The following PDIA5 variants were observed in gnomAD, a reference collection of about 807,000 sequenced individuals.
The protein encoded by PDIA5 is protein disulfide isomerase family A member 5.
Under a neutral mutation model 77.6 loss-of-function variants are expected in PDIA5, and 58 were observed. That is an observed-to-expected ratio of 0.75 (90% CI 0.61 to 0.93). The LOEUF (loss-of-function observed/expected upper bound fraction) is 0.93. Ranked by LOEUF, PDIA5 falls within the 40% of genes least tolerant of loss-of-function variation. The probability of loss-of-function intolerance (pLI) is 0.00; values close to 1 mark genes in which losing one functional copy is unlikely to be tolerated. For missense variants in PDIA5, 630 were observed against 647.7 expected, an observed-to-expected ratio of 0.97 and a Z score of 0.30; for synonymous variants, 250 against 252.1, an observed-to-expected ratio of 0.99 and a Z score of 0.08.
chr3:123,112,767 C>T (rs1374701605), intron 7 of PDIA5, among the ~76,000 whole-genome samples: 1 of 151,994 alleles, frequency 6.6e-6, no homozygotes, highest in Admixed American at 6.6e-5. Context: ...ACCATGTTGC[C>T]CAGGCTGGTC....
chr3:123,142,741 A>C (rs985952890), intron 11 of PDIA5, among the ~76,000 whole-genome samples: 14 of 152,182 alleles, frequency 9.2e-5, no homozygotes, highest in Admixed American at 6.5e-5. Context: ...GCAGTCCCAG[A>C]GGAGCCCTTA....
chr3:123,137,564 G>A (rs1935530992), intron 11 of PDIA5, among the ~76,000 whole-genome samples: 1 of 152,106 alleles, frequency 6.6e-6, no homozygotes, highest in African/African-American at 2.4e-5. Context: ...CACTTACTAT[G>A]GATCAGGCGT....
intron 11 of PDIA5, among the ~76,000 whole-genome samples, chr3:123,138,991 T>C (rs1935562033): frequency 6.6e-6 from 1 of 152,208 alleles, no homozygotes. Flanking sequence ...TTGAATTTAA[T>C]GAAATCCAGA....
intron 11 of PDIA5, among the ~76,000 whole-genome samples, chr3:123,134,000 T>A (rs1247213202): frequency 6.6e-6 from 1 of 151,306 alleles, no homozygotes; most frequent in Non-Finnish European, 1.5e-5. Context: ...TTTCTTTTCT[T>A]TTCCTTTTCT....
intron 7 of PDIA5, among the ~76,000 whole-genome samples, chr3:123,113,112 T>C (rs1453043446): frequency 6.6e-6 from 1 of 152,234 alleles, no homozygotes; most frequent in African/African-American, 2.4e-5. Context: ...TGAATTGCTT[T>C]AGGAATTATT....
intron 11 of PDIA5, among the ~76,000 whole-genome samples, chr3:123,133,949 T>G (rs1935429123): frequency 6.6e-6 from 1 of 152,196 alleles, no homozygotes; most frequent in Admixed American, 6.5e-5. Flanking sequence ...AACCTGGTCT[T>G]TCTTTGCAGT....
intron 11 of PDIA5, among the ~76,000 whole-genome samples, chr3:123,134,266 G>A (rs557886044): frequency 2.0e-5 from 3 of 152,210 alleles, no homozygotes; most frequent in African/African-American, 7.2e-5. Context: ...TATGCCTGTA[G>A]TAAGTACCCA....
chr3:123,124,108 A>C lies in PDIA5; in HGVS notation c.652A>C (p.Ile218Leu). The C allele has an allele frequency of 6.2e-7, 1 of 1,614,140 alleles. No homozygotes were observed. Among genetic ancestry groups the C allele is most frequent in the Non-Finnish European group, 8.5e-7 (1 of 1,180,006 alleles). The change falls in exon 9 of 17, where the codon ATC becomes CTC. Residue 218 changes from isoleucine to leucine, a missense_variant. Coordinates refer to ENST00000316218, the MANE Select transcript of PDIA5 (RefSeq NM_006810.4). Reference protein sequence around the residue: ...MNVYSSEFENIKEEYSVRGFP... With the variant: ...MNVYSSEFENLKEEYSVRGFP... ...TGTCTACTCCTCTGAATTTGAAAAC[A>C]TCAAGGAGGAGTACAGCGTGCGCGG...
chr3:123,082,900 C>T (rs889377267), intron 1 of PDIA5, among the ~76,000 whole-genome samples: 5 of 152,170 alleles, frequency 3.3e-5, no homozygotes, highest in African/African-American at 1.2e-4. Context: ...CTGGATTTCC[C>T]CCAGGTCTGT....
chr3:123,123,759 G>A (rs1935172354), intron 8 of PDIA5, among the ~76,000 whole-genome samples: 1 of 152,260 alleles, frequency 6.6e-6, no homozygotes, highest in African/African-American at 2.4e-5. Flanking sequence ...TTGATGGCAA[G>A]GCCCGGCTTC....
chr3:123,117,374 T>TATATATATA (rs1935019779), intron 8 of PDIA5, among the ~76,000 whole-genome samples: 1 of 79,876 alleles, frequency 1.3e-5, no homozygotes, highest in African/African-American at 4.8e-5. Flanking sequence ...TTCTATGATT[T>TATATATATA]TATATATATA....
Position 123,150,333 on chromosome 3 carries a change from G to A in PDIA5, c.1242G>A (p.Lys414=). ...GDNFRETLKK[K]KHTLVMFYAP... is the part of the protein sequence containing the mutation. The stretch of plus-strand genomic sequence containing the variant: ...ACTTCCGGGAGACCCTGAAGAAGAA[G>A]AAACACACCTTGGTCATGTTCTACG... The change falls in exon 14 of 17, where the codon AAG becomes AAA. Residue 414 remains lysine (K), a synonymous_variant. Coordinates refer to ENST00000316218, the MANE Select transcript of PDIA5 (RefSeq NM_006810.4). 1 of 1,613,996 alleles carries A rather than the reference G, an allele frequency of 6.2e-7. No homozygotes were observed. The highest frequency in any genetic ancestry group is 1.1e-5 in the South Asian group (1 of 91,080).
chr3:123,142,989 A>G (rs568351888), intron 11 of PDIA5, among the ~76,000 whole-genome samples: 95 of 152,144 alleles, frequency 6.2e-4, no homozygotes, highest in African/African-American at 2.2e-3. Context: ...AGGTCTCTTC[A>G]TTGCTGACCA....
intron 11 of PDIA5, among the ~76,000 whole-genome samples, chr3:123,131,987 A>G (rs1226334572): frequency 2.0e-5 from 3 of 152,186 alleles, no homozygotes; most frequent in Non-Finnish European, 4.4e-5. Context: ...GGCATATTCT[A>G]TCAGGAGGAA....
intron 11 of PDIA5, among the ~76,000 whole-genome samples, chr3:123,142,569 C>A (rs1163374006): frequency 6.6e-6 from 1 of 152,182 alleles, no homozygotes; most frequent in African/African-American, 2.4e-5. Context: ...GTCATCTAAC[C>A]CTATGTGCAT....
At chr3:123,083,244 G>C (rs892425186) in intron 1 of PDIA5, among the ~76,000 whole-genome samples, 49 of 152,112 alleles carry the variant, frequency 3.2e-4, no homozygotes, top group African/African-American at 1.1e-3. Flanking sequence ...AGCTCTGTGA[G>C]GGGGTTTGGA....
chr3:123,102,766 T>G lies in PDIA5; in HGVS notation c.357T>G (p.His119Gln), dbSNP rs758679792. The change falls in exon 5 of 17, where the codon CAT becomes CAG. Residue 119 changes from histidine to glutamine, a missense_variant. Coordinates refer to ENST00000316218, the MANE Select transcript of PDIA5 (RefSeq NM_006810.4). ...ELFHYQDGAF[H>Q]TEYNRAVTFK... ...CATTTGACAGGGATGGTGCATTTCA[T>G]ACTGAATATAACCGAGCTGTGACAT... The G allele has an allele frequency of 6.2e-7, 1 of 1,610,380 alleles. No individual in the cohort carries two copies. Among genetic ancestry groups the G allele is most frequent in the Non-Finnish European group, 8.5e-7 (1 of 1,176,478 alleles).
rs114243201 is a variant in PDIA5, at chr3:123,075,436, G to A, written c.42+8230G>A. On this transcript the variant is annotated intron_variant, in intron 1 of 16. Coordinates refer to ENST00000316218, the MANE Select transcript of PDIA5 (RefSeq NM_006810.4). ...GTTTACAAAGAAGAAAGGAATGATT[G>A]CTAGAGAGGTAGGAGGGAAACCAAG... is the stretch of plus-strand genomic sequence containing the variant. Among the ~76,000 whole-genome samples, 334 of 152,282 alleles carry A rather than the reference G, an allele frequency of 2.2e-3. 1 individual carries two copies. The highest frequency in any genetic ancestry group is 3.8e-3 in the Non-Finnish European group (257 of 68,024).
intron 6 of PDIA5, among the ~76,000 whole-genome samples, chr3:123,108,281 CTTT>C (rs1241360740): frequency 8.2e-5 from 11 of 133,694 alleles, no homozygotes; most frequent in Admixed American, 1.5e-4. Flanking sequence ...TTGAAGATGT[CTTT>C]TTTTTTTTTT....
Sources: allele counts gnomAD v4.1 joint callset (sites outside exome capture counted in the v4.1 genomes callset), GRCh38; gene constraint gnomAD v4.1.1; transcripts MANE v1.5; gene names NCBI Gene and HGNC (gene_info 2026-07-23, HGNC 2026-07-21).